The following NALF1 variants were observed in gnomAD, a reference collection of about 807,000 sequenced individuals.
NALF1 encodes the protein NALCN channel auxiliary factor 1, also known as family with sequence similarity 155 member A.
NALF1 carries 3 observed loss-of-function variants against 48.4 expected under a neutral mutation model. The ratio of observed to expected loss-of-function variants is 0.06; its 90% CI spans 0.03 to 0.16. The LOEUF is 0.16. NALF1 is among the 10% of genes least tolerant of loss of function. NALF1 has a pLI of 1.00. For missense variants in NALF1, 526 were observed against 571.5 expected (o/e 0.92, Z 0.81); for synonymous variants, 262 against 245.7 (o/e 1.07, Z -0.62).
At chr13:107,640,987 G>T in intron 1 of NALF1, among the ~76,000 whole-genome samples, 1 of 152,166 alleles carries the variant, frequency 6.6e-6, no homozygotes, top group East Asian at 1.9e-4. Flanking sequence ...ACTCCCAATA[G>T]CCAAAATATG....
Position 107,305,523 on chromosome 13 carries a change from A to G in NALF1, c.916-94768T>C, listed in dbSNP as rs189129930. On this transcript the variant is annotated intron_variant, in intron 1 of 2. Transcript: ENST00000375915. ...AACTTATCTTCTGCTTATGCTTTAG[A>G]TGTTGTCATGAGAGGATAATGCTTG... Among the ~76,000 whole-genome samples, 731 of 152,308 alleles carry G rather than the reference A, an allele frequency of 4.8e-3. 5 individuals carry two copies. Among genetic ancestry groups the G allele is most frequent in the Middle Eastern group, 6.8e-3 (2 of 294 alleles).
chr13:107,654,663 A>G (rs1375577879), intron 1 of NALF1, among the ~76,000 whole-genome samples: 1 of 151,982 alleles, frequency 6.6e-6, no homozygotes, highest in African/African-American at 2.4e-5. Flanking sequence ...GTATCACCCT[A>G]ATACCAAAAC....
At chr13:107,462,212 C>CA (rs1884930239) in intron 1 of NALF1, among the ~76,000 whole-genome samples, 1 of 151,912 alleles carries the variant, frequency 6.6e-6, no homozygotes, top group Non-Finnish European at 1.5e-5. Flanking sequence ...CAGCAACCTT[C>CA]AAAAAACTTT....
intron 1 of NALF1, among the ~76,000 whole-genome samples, chr13:107,212,499 G>A (rs1376299843): frequency 1.3e-5 from 2 of 152,220 alleles, no homozygotes; most frequent in Non-Finnish European, 2.9e-5. Context: ...TGCCCCAGGA[G>A]GACAGCAAGA....
At chr13:107,591,452 T>A (rs1335980573) in intron 1 of NALF1, among the ~76,000 whole-genome samples, 1 of 152,034 alleles carries the variant, frequency 6.6e-6, no homozygotes, top group Non-Finnish European at 1.5e-5. Context: ...AAAATTTGAT[T>A]AGAAGATTTT....
In NALF1 at chr13:107,452,062, G is replaced by C. The variant is rs113545231; in HGVS notation, c.916-241307C>G. 9.8e-3 allele frequency among the ~76,000 whole-genome samples: 1,479 copies of C among 151,280 alleles called. 18 individuals are homozygous for C. Among genetic ancestry groups the C allele is most frequent in the African/African-American group, 0.034 (1,391 of 41,186 alleles). On this transcript the variant is annotated intron_variant, in intron 1 of 2. Transcript: ENST00000375915. Reference sequence around the variant, plus strand: ...TTTCTATCATGTGTCTATCCATATAGTGTATTTCTTTGACCTCACTGAGGC... The same window carrying C: ...TTTCTATCATGTGTCTATCCATATACTGTATTTCTTTGACCTCACTGAGGC...
intron 1 of NALF1, among the ~76,000 whole-genome samples, chr13:107,718,883 C>T (rs1401827401): frequency 6.6e-6 from 1 of 152,182 alleles, no homozygotes; most frequent in Non-Finnish European, 1.5e-5. Flanking sequence ...CCACATGTGG[C>T]CAGGGGCTAC....
intron 1 of NALF1, among the ~76,000 whole-genome samples, chr13:107,584,026 C>T (rs1878384321): frequency 6.6e-6 from 1 of 151,968 alleles, no homozygotes; most frequent in Non-Finnish European, 1.5e-5. Context: ...CCATCCAGGA[C>T]TTTAGGTGAA....
intron 1 of NALF1, among the ~76,000 whole-genome samples, chr13:107,325,883 TATATACACAC>T (rs1566485825): frequency 1.9e-4 from 18 of 94,888 alleles, no homozygotes; most frequent in African/African-American, 6.0e-4. Flanking sequence ...TATATATATA[TATATACACAC>T]ACACACACAC....
chr13:107,551,752 C>A (rs1365894984), intron 1 of NALF1, among the ~76,000 whole-genome samples: 1 of 152,054 alleles, frequency 6.6e-6, no homozygotes, highest in Non-Finnish European at 1.5e-5. Flanking sequence ...TTTTCTTAAA[C>A]CTCTCTCCAT....
At chr13:107,430,761 C>T (rs1376105726) in intron 1 of NALF1, among the ~76,000 whole-genome samples, 5 of 152,162 alleles carry the variant, frequency 3.3e-5, no homozygotes, top group Middle Eastern at 6.8e-3. Flanking sequence ...AGTAAACATA[C>T]GTGTACATGT....
chr13:107,794,547 A>T (rs906589157), intron 1 of NALF1, among the ~76,000 whole-genome samples: 12 of 151,086 alleles, frequency 7.9e-5, no homozygotes, highest in Non-Finnish European at 1.6e-4. Flanking sequence ...ACAAAAAAAC[A>T]TTTTCACCCA....
intron 1 of NALF1, among the ~76,000 whole-genome samples, chr13:107,757,411 A>ATTTC (rs1877133924): frequency 9.4e-6 from 1 of 106,226 alleles, no homozygotes; most frequent in African/African-American, 3.9e-5. Context: ...ACTGGCCCTC[A>ATTTC]TTTCTTTTTT....
At chr13:107,685,002 T>A (rs567783834) in intron 1 of NALF1, among the ~76,000 whole-genome samples, 1 of 152,152 alleles carries the variant, frequency 6.6e-6, no homozygotes, top group Non-Finnish European at 1.5e-5. Context: ...CTGGTGACCG[T>A]CTCATCTTCC....
chr13:107,434,477 T>C (rs929540382), intron 1 of NALF1, among the ~76,000 whole-genome samples: 16 of 152,224 alleles, frequency 1.1e-4, no homozygotes, highest in African/African-American at 3.6e-4. Flanking sequence ...GTTATTGGTT[T>C]AGATTTTACA....
chr13:107,730,799 C>T (rs1050155258), intron 1 of NALF1, among the ~76,000 whole-genome samples: 1 of 152,178 alleles, frequency 6.6e-6, no homozygotes, highest in African/African-American at 2.4e-5. Context: ...GAGTAACAGT[C>T]TCAAATAAGT....
At position 107,501,380 on chromosome 13, in the gene NALF1, C is replaced by T. The variant is rs1450593694; in HGVS notation, c.916-290625G>A. ...AATGCCTAACTTTACTTTGCTGCAA[C>T]TCTCATTTCTTTCCACTTTGTTTAA... On this transcript the variant is annotated intron_variant, in intron 1 of 2. Transcript: ENST00000375915. 4.0e-5 allele frequency among the ~76,000 whole-genome samples: 6 copies of T among 148,956 alleles called. No homozygotes were observed. The Admixed American group carries it at 4.0e-4, about 10-fold the overall frequency.
At chr13:107,448,525 T>C (rs1884687952) in intron 1 of NALF1, among the ~76,000 whole-genome samples, 1 of 152,188 alleles carries the variant, frequency 6.6e-6, no homozygotes, top group Admixed American at 6.5e-5. Context: ...CATGGAAGTT[T>C]TGGGAAGGGT....
intron 1 of NALF1, among the ~76,000 whole-genome samples, chr13:107,285,507 G>C (rs1292285460): frequency 6.6e-6 from 1 of 152,112 alleles, no homozygotes; most frequent in Non-Finnish European, 1.5e-5. Flanking sequence ...TCCAACAAAT[G>C]AAAACCCACT....
Sources: gnomAD v4.1 joint callset for allele counts (sites outside exome capture counted in the v4.1 genomes callset) on GRCh38, gnomAD v4.1.1 for gene constraint, MANE v1.5 for transcripts, NCBI Gene and HGNC (gene_info 2026-07-23, HGNC 2026-07-21) for gene names.